The following RNF213 variants were observed in gnomAD, a reference collection of about 807,000 sequenced individuals.
RNF213 encodes the protein E3 ubiquitin-protein ligase RNF213.
RNF213 carries 341 observed loss-of-function variants against 514.4 expected under a neutral mutation model. The ratio of observed to expected loss-of-function variants is 0.66; its 90% confidence interval spans 0.61 to 0.73. The LOEUF is 0.73. RNF213 is among the 30% of genes least tolerant of loss of function. RNF213 has a pLI of 0.00. For synonymous variants in RNF213, 2,655 were observed against 2,658.2 expected, an observed-to-expected ratio of 1.00 and a Z score of 0.04; for missense variants, 5,767 against 6,615.6, an observed-to-expected ratio of 0.87 and a Z score of 4.45.
At chr17:80,312,127 CAAAAAAAAG>C (rs1568048295) in intron 14 of RNF213, among the ~76,000 whole-genome samples, 3 of 150,338 alleles carry the variant, frequency 2.0e-5, no homozygotes, top group Admixed American at 6.6e-5. Context: ...GACTCTGTCT[CAAAAAAAAG>C]AAAAAAAAGA....
At chr17:80,349,993 AAT>A in intron 30 of RNF213, 87 bp downstream of exon 30, 1 of 1,426,908 alleles carries the variant, frequency 7.0e-7, no homozygotes, top group South Asian at 1.2e-5. Context: ...CGCGCCGGTT[AAT>A]GAGCGCCACA....
chr17:80,301,465 C>A (rs8068939), intron 11 of RNF213, among the ~76,000 whole-genome samples: 49,348 of 151,574 alleles, frequency 0.33, 9,187 homozygotes, highest in African/African-American at 0.5. Context: ...AACAGAAAAA[C>A]TCAGATCTAA....
At position 80,381,815 on chromosome 17, in the gene RNF213, C is replaced by A. The variant is rs562502278; in HGVS notation, c.13978+88C>A. ...GCTGTCTTGTGGGCCACCCCACACA[C>A]AGCCAGTCTGAGCTCTGTCTGTGCT... On this transcript the variant is annotated intron_variant, in intron 57 of 67. Coordinates refer to ENST00000582970, the MANE Select transcript of RNF213 (RefSeq NM_001256071.3). 103 of 1,214,828 alleles carry A rather than the reference C, an allele frequency of 8.5e-5. No individual in the cohort carries two copies. In the African/African-American group the frequency reaches 1.2e-3, roughly 14 times the overall value. The allele number at this position is 1,214,828 out of a possible 1,614,324, so 75.3% of individuals were successfully genotyped here.
At position 80,317,037 on chromosome 17, in the gene RNF213, C is replaced by G; in HGVS notation, c.2812-151C>G. On this transcript the variant is annotated intron_variant, in intron 15 of 67. Coordinates refer to ENST00000582970, the MANE Select transcript of RNF213 (RefSeq NM_001256071.3). The surrounding 1 kb of genome is among the most constrained non-coding windows in gnomAD (Gnocchi z 4.1). ...CTGCTGTGACCGGCCACTAGCATGG[C>G]TGACTGTTGATGAAGGTTGGGGAGA... 1 of 890,994 alleles carries G rather than the reference C, an allele frequency of 1.1e-6. No homozygotes were observed. The highest frequency in any genetic ancestry group is 1.8e-6 in the Non-Finnish European group (1 of 550,110). The allele number at this position is 890,994 out of a possible 1,614,324, so 55.2% of individuals were successfully genotyped here. A position where few individuals can be genotyped will look rare whatever the true frequency, so the allele number is the denominator to read the frequency against.
rs1485720591 is a variant in RNF213, at chr17:80,346,324, TGCCTTTCTCTCC to T, written c.7990_8001del (p.Ala2664_Ser2667del). 6.2e-7 allele frequency: 1 copy of T among 1,614,012 alleles called. No homozygotes were observed. Among genetic ancestry groups the T allele is most frequent in the East Asian group, 2.2e-5 (1 of 44,880 alleles). On this transcript the variant is annotated inframe_deletion, in exon 29 of 68. Transcript: ENST00000582970. The surrounding 1 kb of genome is among the most constrained non-coding windows in gnomAD (Gnocchi z 8.1). Reference sequence around the variant, plus strand: ...GCGCGATGCTCTTAGCGCAGCTGAATGCCTTTCTCTCCAAGTCCAGCGTCAGCAAAAATCACA... The same window carrying T: ...GCGCGATGCTCTTAGCGCAGCTGAATAAGTCCAGCGTCAGCAAAAATCACA...
rs1599191957 is a variant in RNF213 at position 80,381,190 on chromosome 17, C to T, written c.13797+203C>T. ...GGGGGGAACTACTCCCCAGATTATA[C>T]AGAATCCACTTCAAATTAACACTCT... On this transcript the variant is annotated intron_variant, in intron 56 of 67. Transcript: ENST00000582970. 1.6e-5 allele frequency: 10 copies of T among 643,988 alleles called. No individual in the cohort carries two copies. In the East Asian group the frequency reaches 2.5e-4, roughly 16 times the overall value. 39.9% of individuals were successfully genotyped at this position (643,988 alleles called of 1,614,324 possible). A position where few individuals can be genotyped will look rare whatever the true frequency, so the allele number is the denominator to read the frequency against.
In RNF213 at chr17:80,347,764, C is replaced by T; in HGVS notation, c.9429C>T (p.His3143=). The T allele has an allele frequency of 1.2e-6, 2 of 1,614,192 alleles. No individual in the cohort carries two copies. Among genetic ancestry groups the T allele is most frequent in the Non-Finnish European group, 1.7e-6 (2 of 1,180,046 alleles). Residue 3143 remains histidine, a synonymous_variant, in exon 29 of 68, where the codon CAC becomes CAT. Transcript: ENST00000582970. This position sits in a 1 kb window ranked among gnomAD's most constrained non-coding sequence, Gnocchi z 7.2. ...LGTHRVKCRV[H]PNFRLIVIEE... ...CCCACCGCGTCAAATGTCGGGTTCA[C>T]CCCAACTTCCGCCTGATTGTCATTG...
At chr17:80,279,721 G>A (rs1235990112) in intron 3 of RNF213, among the ~76,000 whole-genome samples, 2 of 151,974 alleles carry the variant, frequency 1.3e-5, no homozygotes, top group Admixed American at 6.6e-5. Flanking sequence ...CACCCATCTT[G>A]GCCTTCCAAA....
intron 14 of RNF213, among the ~76,000 whole-genome samples, 173 bp downstream of exon 14, chr17:80,309,344 G>A (rs2045484854): frequency 1.3e-5 from 2 of 152,158 alleles, no homozygotes; most frequent in Non-Finnish European, 2.9e-5. Context: ...TGTTCTGGGT[G>A]TGGGGGGTGT....
chr17:80,320,851 G>A (rs2046117089), intron 17 of RNF213: 1 of 152,326 alleles, frequency 6.6e-6, no homozygotes, highest in Non-Finnish European at 1.5e-5. Context: ...GCCAGGCATG[G>A]CCGGGCACAC....
Position 80,353,440 on chromosome 17 carries a change from C to A in RNF213, c.10424-72C>A. 1 of 1,520,438 alleles carries A rather than the reference C, an allele frequency of 6.6e-7. No individual in the cohort carries two copies. 94.2% of individuals were successfully genotyped at this position (1,520,438 alleles called of 1,614,324 possible). ...ACTCGGAGGCTGAGCACACAGACTCCCAGATGGCACCGCTGCCAGTCCCTG... is the reference window on the plus strand; with the variant it reads ...ACTCGGAGGCTGAGCACACAGACTCACAGATGGCACCGCTGCCAGTCCCTG... On this transcript the variant is annotated intron_variant, in intron 33 of 67. Transcript: ENST00000582970. The surrounding 1 kb of genome is among the most constrained non-coding windows in gnomAD (Gnocchi z 5.0).
chr17:80,378,422 G>T (rs946164596), intron 54 of RNF213, among the ~76,000 whole-genome samples: 7 of 152,208 alleles, frequency 4.6e-5, no homozygotes, highest in African/African-American at 1.7e-4. Flanking sequence ...CAAGAGGCTG[G>T]TGGGTTGAGC....
intron 50 of RNF213, among the ~76,000 whole-genome samples, chr17:80,375,216 G>A (rs181980086): frequency 1.3e-4 from 20 of 152,326 alleles, no homozygotes; most frequent in African/African-American, 3.8e-4. Flanking sequence ...CTAAATATGC[G>A]TTGAGTTTAA....
In RNF213 at chr17:80,363,700, A is replaced by G; in HGVS notation, c.11660A>G (p.Lys3887Arg). The G allele has an allele frequency of 6.2e-7, 1 of 1,613,990 alleles. No individual in the cohort carries two copies. The highest frequency in any genetic ancestry group is 1.1e-5 in the South Asian group (1 of 91,072). The change falls in exon 41 of 68, where the codon AAG becomes AGG. Residue 3887 changes from lysine to arginine, a missense_variant. Physicochemically the swap from Lys to Arg is conservative, Grantham distance 26. Around this residue, in one of 13 missense-constraint regions of RNF213, gnomAD observed 355 missense variants for 358.0 expected, o/e 0.99. Coordinates refer to ENST00000582970, the MANE Select transcript of RNF213 (RefSeq NM_001256071.3). ...CCCCAGGCGTGGCTACAGTTGGTGA[A>G]GAATCTTTCCATGCCGCTGGAGCTC... Reference protein sequence around the residue: ...PSPQAWLQLVKNLSMPLELIC... With the variant: ...PSPQAWLQLVRNLSMPLELIC...
intron 46 of RNF213, among the ~76,000 whole-genome samples, chr17:80,371,300 T>C (rs1401079243): frequency 1.3e-5 from 2 of 152,226 alleles, no homozygotes; most frequent in Non-Finnish European, 2.9e-5. Context: ...CTGCAAAAAC[T>C]ATTAAAATGT....
At chr17:80,269,648 TCATC>T (rs1225922582) in intron 2 of RNF213, among the ~76,000 whole-genome samples, 3 of 150,832 alleles carry the variant, frequency 2.0e-5, no homozygotes, top group Non-Finnish European at 4.5e-5. Flanking sequence ...ATCTATCTAT[TCATC>T]CATCAATCTA....
At chr17:80,262,355 A>C (rs947782361) in intron 1 of RNF213, among the ~76,000 whole-genome samples, 2 of 152,208 alleles carry the variant, frequency 1.3e-5, no homozygotes, top group Non-Finnish European at 2.9e-5. Flanking sequence ...CTCATCAAAG[A>C]GAAGACTGCA....
At chr17:80,391,214 G>A (rs114865409) in intron 67 of RNF213, among the ~76,000 whole-genome samples, 87 of 152,198 alleles carry the variant, frequency 5.7e-4, no homozygotes, top group African/African-American at 1.7e-3. Context: ...CCCATTTACC[G>A]TGAGGCTGAA....
chr17:80,342,637 T>C (rs2078187373), intron 26 of RNF213, among the ~76,000 whole-genome samples: 2 of 147,136 alleles, frequency 1.4e-5, no homozygotes. Flanking sequence ...TTTCTATATA[T>C]ATTCTATATA....
Sources: gnomAD v4.1 joint callset for allele counts (sites outside exome capture counted in the v4.1 genomes callset) on GRCh38, gnomAD v4.1.1 for gene constraint, gnomAD v4.1.1 regional missense constraint, Gnocchi (gnomAD v3.1) non-coding constraint, MANE v1.5 for transcripts, NCBI Gene and HGNC (gene_info 2026-07-23, HGNC 2026-07-21) for gene names.